DYM: variants seen among roughly 807,000 people sequenced by gnomAD.
DYM encodes dymeclin.
Under a neutral mutation model 93.1 loss-of-function variants are expected in DYM, and 78 were observed. The ratio of observed to expected loss-of-function variants is 0.84; its 90% CI spans 0.70 to 1.01. The LOEUF (loss-of-function observed/expected upper bound fraction) is 1.01, where lower values mean the gene tolerates loss of function less well. DYM is among the 50% of genes least tolerant of loss of function. The pLI is 0.00. For missense variants in DYM, 789 were observed against 845.0 expected (o/e 0.93, Z 0.82); for synonymous variants, 321 against 319.7 (o/e 1.00, Z -0.04).
intron 15 of DYM, among the ~76,000 whole-genome samples, chr18:49,143,756 T>C (rs1227826651): frequency 1.3e-5 from 2 of 152,128 alleles, no homozygotes; most frequent in African/African-American, 2.4e-5. Context: ...TAACTTTCTT[T>C]ATCGAGAAAT....
In DYM at chr18:49,430,287, A is replaced by T. The variant is rs762932089; in HGVS notation, c.108T>A (p.Leu36=). The stretch of plus-strand genomic sequence containing the variant: ...TTGGTGCAGGGAAAGAAAATGAGAG[A>T]AGCTGATTCCAGAACGGGTCATTCT... ...ISENDPFWNQ[L]LSFSFPAPTS... is the part of the protein sequence containing the mutation. The change falls in exon 2 of 18, where the codon CTT becomes CTA. Residue 36 remains leucine (L), a synonymous_variant. Coordinates refer to ENST00000675505, the MANE Select transcript of DYM (RefSeq NM_001353214.3). 7.4e-6 allele frequency: 12 copies of T among 1,613,932 alleles called. No homozygotes were observed. In the East Asian group the frequency reaches 2.7e-4, roughly 36 times the overall value.
intron 2 of DYM, among the ~76,000 whole-genome samples, chr18:49,426,506 T>G (rs943449293): frequency 2.6e-5 from 4 of 151,846 alleles, no homozygotes; most frequent in Admixed American, 6.6e-5. Flanking sequence ...GTAACAAACC[T>G]GCATGTTGTG....
At chr18:49,385,218 G>A (rs1238702345) in intron 3 of DYM, among the ~76,000 whole-genome samples, 2 of 152,230 alleles carry the variant, frequency 1.3e-5, no homozygotes, top group Non-Finnish European at 2.9e-5. Flanking sequence ...TCTTTCAGGA[G>A]AGGATGGTAC....
intron 13 of DYM, among the ~76,000 whole-genome samples, chr18:49,232,399 G>T (rs2093723455): frequency 6.7e-6 from 1 of 149,280 alleles, no homozygotes; most frequent in Admixed American, 6.7e-5. Context: ...ATCCACGTGG[G>T]TTCATGCCAT....
At chr18:49,145,108 C>CATATATATATAT (rs56212722) in intron 15 of DYM, among the ~76,000 whole-genome samples, 2,055 of 18,560 alleles carry the variant, frequency 0.11, 105 homozygotes, top group Non-Finnish European at 0.15. Flanking sequence ...CAAAAAAATT[C>CATATATATATAT]ATATATATAT....
chr18:49,424,570 T>G (rs1211964128), intron 2 of DYM, among the ~76,000 whole-genome samples: 1 of 151,762 alleles, frequency 6.6e-6, no homozygotes, highest in Non-Finnish European at 1.5e-5. Context: ...AAGAAAGAAA[T>G]AAAGGATATT....
chr18:49,439,222 T>G (rs2148553712), intron 1 of DYM, among the ~76,000 whole-genome samples: 1 of 152,342 alleles, frequency 6.6e-6, no homozygotes, highest in South Asian at 2.1e-4. Flanking sequence ...GTAAGTTTGT[T>G]GGTAACAATG....
intron 16 of DYM, among the ~76,000 whole-genome samples, chr18:49,110,126 T>C (rs1252892716): frequency 6.6e-6 from 1 of 152,182 alleles, no homozygotes; most frequent in East Asian, 1.9e-4. Flanking sequence ...ATGGCTGCCA[T>C]TGAATTACAA....
chr18:49,046,749 A>C (rs912402944), intron 17 of DYM, among the ~76,000 whole-genome samples: 1 of 152,028 alleles, frequency 6.6e-6, no homozygotes, highest in African/African-American at 2.4e-5. Context: ...AAAATTTAAA[A>C]ATTAGCCAGA....
Position 49,370,213 on chromosome 18 carries a change from G to A in DYM, c.422-6980C>T, listed in dbSNP as rs149150246. Among the ~76,000 whole-genome samples, 6 of 151,550 alleles carry A rather than the reference G, an allele frequency of 4.0e-5. No individual in the cohort carries two copies. In the East Asian group the frequency reaches 1.2e-3, roughly 29 times the overall value. Reference sequence around the variant, plus strand: ...GAATTGCATGAACCTGGGAGGCGGAGGTTGCAGTGAGCCAAGGTCGCACCA... The same window carrying A: ...GAATTGCATGAACCTGGGAGGCGGAAGTTGCAGTGAGCCAAGGTCGCACCA... On this transcript the variant is annotated intron_variant, in intron 5 of 17. Transcript: ENST00000675505.
At chr18:49,192,275 GAAT>G (rs906403919) in intron 14 of DYM, among the ~76,000 whole-genome samples, 11 of 151,632 alleles carry the variant, frequency 7.3e-5, no homozygotes, top group African/African-American at 2.7e-4. Context: ...CATAAAATGG[GAAT>G]AATAATATCT....
Position 49,043,113 on chromosome 18 carries a change from TTTTC to T in DYM, c.*938_*941del, listed in dbSNP as rs2071052457. On this transcript the variant is annotated 3_prime_UTR_variant, in exon 18 of 18. Transcript: ENST00000675505. ...ATCTGGGCTTCATGAGAAGTAGCCA[TTTTC>T]TTTTTCTTTTCTTTCTTTTTTTTTT... 6.6e-6 allele frequency: 1 copy of T among 152,092 alleles called. No homozygotes were observed. The highest frequency in any genetic ancestry group is 6.5e-5 in the Admixed American group (1 of 15,278). The allele number at this position is 152,092 out of a possible 1,614,324, so 9.4% of individuals were successfully genotyped here.
At chr18:49,077,726 T>A (rs997329694) in intron 17 of DYM, among the ~76,000 whole-genome samples, 3 of 152,112 alleles carry the variant, frequency 2.0e-5, no homozygotes, top group African/African-American at 7.2e-5. Flanking sequence ...AGTATCCTCA[T>A]TCACCTTTGG....
chr18:49,354,416 C>T (rs2065370243), intron 6 of DYM, among the ~76,000 whole-genome samples: 1 of 151,682 alleles, frequency 6.6e-6, no homozygotes, highest in Admixed American at 6.6e-5. Flanking sequence ...AGACATGATC[C>T]ATCAAAAAAA....
At chr18:49,105,043 CT>C (rs1242562096) in intron 16 of DYM, among the ~76,000 whole-genome samples, 1 of 152,038 alleles carries the variant, frequency 6.6e-6, no homozygotes, top group African/African-American at 2.4e-5. Context: ...TGGTCCTGGA[CT>C]TTTTTTGGTT....
At chr18:49,111,738 T>C (rs2081412842) in intron 16 of DYM, among the ~76,000 whole-genome samples, 1 of 152,204 alleles carries the variant, frequency 6.6e-6, no homozygotes. Context: ...ATCCATGCCC[T>C]TGATCTTTCC....
At chr18:49,056,932 T>A (rs2075544959) in intron 17 of DYM, among the ~76,000 whole-genome samples, 1 of 152,216 alleles carries the variant, frequency 6.6e-6, no homozygotes, top group Non-Finnish European at 1.5e-5. Context: ...GCTCAAGAGA[T>A]CTGTTGCCCA....
intron 13 of DYM, among the ~76,000 whole-genome samples, chr18:49,229,116 AAAT>A (rs1293543410): frequency 3.5e-5 from 5 of 142,970 alleles, no homozygotes; most frequent in Non-Finnish European, 7.6e-5. Flanking sequence ...ATTATTTGAC[AAAT>A]AATAAAACTA....
chr18:49,148,760 T>C (rs1309658219), intron 15 of DYM, among the ~76,000 whole-genome samples: 2 of 152,158 alleles, frequency 1.3e-5, no homozygotes, highest in African/African-American at 4.8e-5. Flanking sequence ...GATAAACTCC[T>C]TTCCAGCCCC....
Sources: gnomAD v4.1 joint callset for allele counts (sites outside exome capture counted in the v4.1 genomes callset) on GRCh38, gnomAD v4.1.1 for gene constraint, MANE v1.5 for transcripts, NCBI Gene and HGNC (gene_info 2026-07-23, HGNC 2026-07-21) for gene names.